Variants in COL6A2 observed in about 807,000 individuals in gnomAD.
The protein encoded by COL6A2 is collagen type VI alpha 2 chain.
A neutral mutation model predicts 124.9 loss-of-function variants in COL6A2; 90 were observed. The observed-to-expected ratio is 0.72, with a 90% CI of 0.61 to 0.86. The LOEUF (loss-of-function observed/expected upper bound fraction) is 0.86, where lower values mean the gene tolerates loss of function less well. COL6A2 is among the 40% of genes least tolerant of loss of function. COL6A2 has a pLI of 0.00. For synonymous variants in COL6A2, 793 were observed against 618.2 expected, an observed-to-expected ratio of 1.28 and a Z score of -4.19; for missense variants, 1,607 against 1,502.5, an observed-to-expected ratio of 1.07 and a Z score of -1.15.
chr21:46,113,246 G>C (rs187356318), intron 4 of COL6A2, among the ~76,000 whole-genome samples: 1 of 152,104 alleles, frequency 6.6e-6, no homozygotes, highest in Non-Finnish European at 1.5e-5. Flanking sequence ...GATCTCCCCC[G>C]TGAGGCTTCC....
chr21:46,119,086 C>A lies in COL6A2; in HGVS notation c.1236C>A (p.Gly412=). The A allele has an allele frequency of 6.2e-7, 1 of 1,612,568 alleles. No individual in the cohort carries two copies. The highest frequency in any genetic ancestry group is 8.5e-7 in the Non-Finnish European group (1 of 1,179,890). Residue 412 remains glycine, a synonymous_variant, in exon 14 of 28, where the codon GGC becomes GGA. Coordinates refer to ENST00000300527, the MANE Select transcript of COL6A2 (RefSeq NM_001849.4). The stretch of plus-strand genomic sequence containing the variant: ...GTCCTGGTGTGAAAGGAGCCAAGGG[C>A]GGGCCTGGGCCCCGCGGACCCAAAG... ...PGSPGVKGAK[G]GPGPRGPKGE... is the part of the protein sequence containing the mutation.
At chr21:46,102,583 G>A (rs1489419926) in intron 1 of COL6A2, among the ~76,000 whole-genome samples, 1 of 151,888 alleles carries the variant, frequency 6.6e-6, no homozygotes, top group Non-Finnish European at 1.5e-5. Context: ...TTCCTAATTT[G>A]TTGAGTGTTT....
Position 46,124,877 on chromosome 21 carries a change from T to C in COL6A2, c.1735-8T>C, listed in dbSNP as rs867823268. 7 of 1,612,784 alleles carry C rather than the reference T, an allele frequency of 4.3e-6. No individual in the cohort carries two copies. The highest frequency in any genetic ancestry group is 5.9e-6 in the Non-Finnish European group (7 of 1,179,944). On this transcript the variant is annotated splice_region_variant and splice_polypyrimidine_tract_variant and intron_variant, in intron 22 of 27. Coordinates refer to ENST00000300527, the MANE Select transcript of COL6A2 (RefSeq NM_001849.4). ...CCCAGAGTCTCAGCCTCATCCTTCC[T>C]TCCCCAGGGTGAGCCCGGCCCCCCT...
intron 10 of COL6A2, 82 bp from the exon 11 acceptor site, chr21:46,117,318 C>A: frequency 7.2e-7 from 1 of 1,395,068 alleles, no homozygotes; most frequent in Non-Finnish European, 1.0e-6. Flanking sequence ...GGGGCAGAAC[C>A]GGGTGGGCTG....
rs1307667500 is a variant in COL6A2, at chr21:46,122,523, G to A, written c.1600G>A (p.Gly534Ser). The change falls in exon 20 of 28, where the codon GGC becomes AGC. Residue 534 changes from glycine (G) to serine (S), a missense_variant. This residue lies in a region of COL6A2 where 1,223 missense variants were observed against 1,052.2 expected (regional missense o/e 1.16). Coordinates refer to ENST00000300527, the MANE Select transcript of COL6A2 (RefSeq NM_001849.4). ...PGEKGEPGPR[G>S]PEGGRGDFGL... ...AGAAAAAGGCGAGCCCGGCCCACGCGGCCCCGAGGTATGTGTGGGTCCTGG... is the reference window on the plus strand; with the variant it reads ...AGAAAAAGGCGAGCCCGGCCCACGCAGCCCCGAGGTATGTGTGGGTCCTGG... 4 of 1,612,686 alleles carry A rather than the reference G, an allele frequency of 2.5e-6. No individual in the cohort carries two copies. Among genetic ancestry groups the A allele is most frequent in the Non-Finnish European group, 2.5e-6 (3 of 1,179,976 alleles).
intron 27 of COL6A2, among the ~76,000 whole-genome samples, chr21:46,131,717 G>C (rs530713119): frequency 2.6e-5 from 4 of 152,198 alleles, no homozygotes; most frequent in Admixed American, 2.0e-4. Context: ...GCCTGTGTCA[G>C]GGTCTCAGGC....
Position 46,122,096 on chromosome 21 carries a change from G to A in COL6A2, c.1522-12G>A, listed in dbSNP as rs770511180. The A allele has an allele frequency of 7.4e-6, 12 of 1,612,382 alleles. No homozygotes were observed. Among genetic ancestry groups the A allele is most frequent in the Non-Finnish European group, 1.0e-5 (12 of 1,179,860 alleles). ...CTATGACCATGCTGACCGACTCAACGTCCTCCTCCAGGGAGACCCCGGCAG... is the reference window on the plus strand; with the variant it reads ...CTATGACCATGCTGACCGACTCAACATCCTCCTCCAGGGAGACCCCGGCAG... On this transcript the variant is annotated splice_polypyrimidine_tract_variant and intron_variant, in intron 18 of 27. Coordinates refer to ENST00000300527, the MANE Select transcript of COL6A2 (RefSeq NM_001849.4).
At chr21:46,117,100 C>T (rs1036271729) in intron 10 of COL6A2, among the ~76,000 whole-genome samples, 1 of 152,218 alleles carries the variant, frequency 6.6e-6, no homozygotes, top group African/African-American at 2.4e-5. Flanking sequence ...CCAGGTCAAA[C>T]CACAGGACAG....
chr21:46,124,261 GTGGGTGGC>G (rs1187116105), intron 21 of COL6A2, among the ~76,000 whole-genome samples: 1 of 151,680 alleles, frequency 6.6e-6, no homozygotes, highest in Non-Finnish European at 1.5e-5. Flanking sequence ...GGATGGGTTA[GTGGGTGGC>G]TGGGTGGATA....
intron 27 of COL6A2, among the ~76,000 whole-genome samples, chr21:46,131,161 T>C (rs1271270516): frequency 1.3e-5 from 2 of 152,162 alleles, no homozygotes; most frequent in African/African-American, 4.8e-5. Context: ...TCCCAGGAGC[T>C]GAGGTCTTGG....
At chr21:46,127,621 C>T (rs1362557353) in intron 27 of COL6A2, among the ~76,000 whole-genome samples, 4 of 152,166 alleles carry the variant, frequency 2.6e-5, no homozygotes, top group Non-Finnish European at 5.9e-5. Flanking sequence ...AGGAACCAGA[C>T]CTTGGCTCCT....
In COL6A2 at chr21:46,122,202, A is replaced by G. The variant is rs778827067; in HGVS notation, c.1572+44A>G. ...TGGCAGCTCCCAGGAGTGGGTGGAC[A>G]TTGTCCCAAGGGCCCTGAAGATTCC... On this transcript the variant is annotated intron_variant, in intron 19 of 27. Transcript: ENST00000300527. 19 of 1,604,584 alleles carry G rather than the reference A, an allele frequency of 1.2e-5. No homozygotes were observed. In the East Asian group the frequency reaches 2.7e-4, roughly 23 times the overall value.
intron 1 of COL6A2, among the ~76,000 whole-genome samples, chr21:46,099,991 A>G (rs1006105099): frequency 1.4e-5 from 2 of 141,718 alleles, no homozygotes; most frequent in Non-Finnish European, 3.0e-5. Flanking sequence ...GTACAAGGCT[A>G]TTTGGGCTGT....
rs748454283 is a variant in COL6A2, at chr21:46,119,202, C to G, written c.1269+83C>G. 421 of 1,088,728 alleles carry G rather than the reference C, an allele frequency of 3.9e-4. 1 individual carries two copies. The highest frequency in any genetic ancestry group is 4.8e-4 in the Admixed American group (24 of 50,424). The allele number at this position is 1,088,728 out of a possible 1,614,324, so 67.4% of individuals were successfully genotyped here. A position where few individuals can be genotyped will look rare whatever the true frequency, so the allele number is the denominator to read the frequency against. On this transcript the variant is annotated intron_variant, in intron 14 of 27. Transcript: ENST00000300527. ...GAGGAGGACCATGGGGGAAGGGCACCTGGGCTGTAGGCAGGATCCCCTGCT... is the reference window on the plus strand; with the variant it reads ...GAGGAGGACCATGGGGGAAGGGCACGTGGGCTGTAGGCAGGATCCCCTGCT...
Position 46,117,430 on chromosome 21 carries a change from T to G in COL6A2, c.1030T>G (p.Cys344Gly). 3.1e-6 allele frequency: 5 copies of G among 1,612,762 alleles called. No homozygotes were observed. The highest frequency in any genetic ancestry group is 4.2e-6 in the Non-Finnish European group (5 of 1,179,888). The change falls in exon 11 of 28, where the codon TGC becomes GGC. Residue 344 changes from cysteine (C) to glycine (G), a missense_variant. Transcript: ENST00000300527. Reference protein sequence around the residue: ...GKLGRIGPPGCKGDPGNRGPD... With the variant: ...GKLGRIGPPGGKGDPGNRGPD... ...GCTGGGGCGCATCGGACCTCCTGGC[T>G]GCAAGGGAGACCCTGGAAACCGGGT...
At position 46,120,532 on chromosome 21, in the gene COL6A2, G is replaced by A. The variant is rs1601235833; in HGVS notation, c.1350G>A (p.Glu450=). Reference sequence around the variant, plus strand: ...TCCCACAGGGGGACCCTGGCCCTGAGGGGCCCCGCGGCCTGGCTGGAGAGG... The same window carrying A: ...TCCCACAGGGGGACCCTGGCCCTGAAGGGCCCCGCGGCCTGGCTGGAGAGG... ...PKGEKGDPGP[E]GPRGLAGEVG... is the part of the protein sequence containing the mutation. Residue 450 remains glutamate (E), a synonymous_variant, in exon 16 of 28, where the codon GAG becomes GAA. Coordinates refer to ENST00000300527, the MANE Select transcript of COL6A2 (RefSeq NM_001849.4). 5 of 1,485,332 alleles carry A rather than the reference G, an allele frequency of 3.4e-6. No homozygotes were observed. The East Asian group carries it at 1.3e-4, about 38-fold the overall frequency. The allele number at this position is 1,485,332 out of a possible 1,614,324, so 92.0% of individuals were successfully genotyped here.
chr21:46,116,195 G>A lies in COL6A2; in HGVS notation c.900+142G>A, dbSNP rs948709619. The A allele has an allele frequency of 8.7e-7, 1 of 1,154,400 alleles. No individual in the cohort carries two copies. Among genetic ancestry groups the A allele is most frequent in the African/African-American group, 1.5e-5 (1 of 64,908 alleles). 71.5% of individuals were successfully genotyped at this position (1,154,400 alleles called of 1,614,324 possible). ...AACAGAAGCACCTCGATAACTTGAT[G>A]GCCGTCCCAAAACCCAGCCTCCAGC... On this transcript the variant is annotated intron_variant, in intron 7 of 27. Coordinates refer to ENST00000300527, the MANE Select transcript of COL6A2 (RefSeq NM_001849.4). The surrounding 1 kb of genome is among the most constrained non-coding windows in gnomAD (Gnocchi z 4.6).
Position 46,125,859 on chromosome 21 carries a change from G to A in COL6A2, c.2044G>A (p.Asp682Asn), listed in dbSNP as rs376527297. The A allele has an allele frequency of 1.4e-5, 23 of 1,612,962 alleles. No homozygotes were observed. The highest frequency in any genetic ancestry group is 9.9e-5 in the South Asian group (9 of 91,068). Residue 682 changes from aspartate to asparagine, a missense_variant, in exon 26 of 28, where the codon GAC becomes AAC. Coordinates refer to ENST00000300527, the MANE Select transcript of COL6A2 (RefSeq NM_001849.4). ...EAIQLDDERI[D>N]SLSSFKEAVK... The stretch of plus-strand genomic sequence containing the variant: ...CATCCAGCTGGACGACGAACGTATC[G>A]ACTCCCTGTCGAGCTTCAAGGAGGC...
Position 46,116,916 on chromosome 21 carries a change from TACACACGCATAC to T in COL6A2, c.999+109_999+120del. The T allele has an allele frequency of 1.2e-6, 1 of 804,014 alleles. No individual in the cohort carries two copies. Among genetic ancestry groups the T allele is most frequent in the Non-Finnish European group, 2.0e-6 (1 of 509,388 alleles). 49.8% of individuals were successfully genotyped at this position (804,014 alleles called of 1,614,324 possible). A position where few individuals can be genotyped will look rare whatever the true frequency, so the allele number is the denominator to read the frequency against. On this transcript the variant is annotated intron_variant, in intron 10 of 27. Coordinates refer to ENST00000300527, the MANE Select transcript of COL6A2 (RefSeq NM_001849.4). The surrounding 1 kb of genome is among the most constrained non-coding windows in gnomAD (Gnocchi z 4.6). ...CCTGATCTGTCAGCTTACACATGTG[TACACACGCATAC>T]ACACACACACACACACACACACACA...
Sources: gnomAD v4.1 joint callset for allele counts (sites outside exome capture counted in the v4.1 genomes callset) on GRCh38, gnomAD v4.1.1 for gene constraint, gnomAD v4.1.1 regional missense constraint, Gnocchi (gnomAD v3.1) non-coding constraint, MANE v1.5 for transcripts, NCBI Gene and HGNC (gene_info 2026-07-23, HGNC 2026-07-21) for gene names.